ERBB4: variants seen among roughly 807,000 people sequenced by gnomAD.
ERBB4 encodes erb-b2 receptor tyrosine kinase 4.
In ERBB4, 42 loss-of-function variants were observed where a neutral mutation model predicts 158.0. That is an observed-to-expected ratio of 0.27 (90% CI 0.21 to 0.34). The LOEUF is 0.34. Ranked by LOEUF, ERBB4 falls within the 10% of genes least tolerant of loss-of-function variation. ERBB4 has a pLI of 1.00. For missense variants in ERBB4, 1,333 were observed against 1,624.1 expected (o/e 0.82, Z 3.08); for synonymous variants, 583 against 558.7 (o/e 1.04, Z -0.61).
intron 8 of ERBB4, among the ~76,000 whole-genome samples, chr2:211,713,250 A>G (rs1446816287): frequency 6.6e-6 from 1 of 152,136 alleles, no homozygotes; most frequent in Non-Finnish European, 1.5e-5. Flanking sequence ...CAAAGCTTTT[A>G]AGATTTGCTA....
intron 2 of ERBB4, among the ~76,000 whole-genome samples, chr2:212,052,535 G>T (rs912122295): frequency 1.3e-5 from 2 of 152,160 alleles, no homozygotes; most frequent in African/African-American, 4.8e-5. Flanking sequence ...TAGAAGTAAT[G>T]ACTAACCAAA....
intron 20 of ERBB4, among the ~76,000 whole-genome samples, chr2:211,457,168 T>C (rs947293784): frequency 1.3e-5 from 2 of 152,140 alleles, no homozygotes; most frequent in African/African-American, 4.8e-5. Flanking sequence ...CACTATACCA[T>C]GTGAAAAGAA....
intron 25 of ERBB4, among the ~76,000 whole-genome samples, chr2:211,415,837 GTTTA>G (rs1261885801): frequency 9.9e-5 from 15 of 152,100 alleles, no homozygotes; most frequent in African/African-American, 3.6e-4. Flanking sequence ...TTATTTTTCA[GTTTA>G]TTTATATATC....
chr2:212,203,933 A>C (rs2082660767), intron 1 of ERBB4, among the ~76,000 whole-genome samples: 2 of 152,224 alleles, frequency 1.3e-5, no homozygotes, highest in African/African-American at 2.4e-5. Flanking sequence ...AAGTCACTTG[A>C]CTGAAAAGTT....
At position 211,376,963 on chromosome 2, in the gene ERBB4, A is replaced by G. The variant is rs2125292158; in HGVS notation, c.*6652T>C. On this transcript the variant is annotated 3_prime_UTR_variant, in exon 28 of 28. Transcript: ENST00000342788. Reference sequence around the variant, plus strand: ...GCTCCGTTTAATAATCGACCCATTTAACAGCAGTACCAGTTTATGCTACAT... The same window carrying G: ...GCTCCGTTTAATAATCGACCCATTTGACAGCAGTACCAGTTTATGCTACAT... The G allele has an allele frequency of 4.3e-6, 1 of 233,328 alleles. No individual in the cohort carries two copies. The highest frequency in any genetic ancestry group is 8.5e-6 in the Non-Finnish European group (1 of 117,720). 14.5% of individuals were successfully genotyped at this position (233,328 alleles called of 1,614,324 possible).
At chr2:211,500,132 G>T (rs1321724763) in intron 20 of ERBB4, among the ~76,000 whole-genome samples, 2 of 152,052 alleles carry the variant, frequency 1.3e-5, no homozygotes, top group African/African-American at 4.8e-5. Context: ...TCTGTATCTG[G>T]TCATGGTACA....
intron 1 of ERBB4, among the ~76,000 whole-genome samples, chr2:212,408,380 A>G (rs1188681612): frequency 6.6e-6 from 1 of 152,088 alleles, no homozygotes; most frequent in East Asian, 1.9e-4. Context: ...CCTGAGGATA[A>G]TGGCTATTAT....
intron 5 of ERBB4, among the ~76,000 whole-genome samples, chr2:211,741,822 A>C (rs896665045): frequency 6.6e-6 from 1 of 152,224 alleles, no homozygotes; most frequent in Non-Finnish European, 1.5e-5. Context: ...TGTTCTTTTA[A>C]ATCTTTGAGA....
intron 1 of ERBB4, among the ~76,000 whole-genome samples, chr2:212,495,761 A>C (rs1560480186): frequency 6.6e-6 from 1 of 152,182 alleles, no homozygotes; most frequent in Admixed American, 6.6e-5. Context: ...TACATAGACG[A>C]ATGTCATACA....
intron 1 of ERBB4, among the ~76,000 whole-genome samples, chr2:212,343,928 G>A (rs936645492): frequency 3.3e-5 from 5 of 151,864 alleles, no homozygotes; most frequent in Non-Finnish European, 5.9e-5. Context: ...AATATATAAG[G>A]ACTAAGATGA....
intron 1 of ERBB4, among the ~76,000 whole-genome samples, chr2:212,194,184 C>A (rs888821869): frequency 6.6e-6 from 1 of 151,280 alleles, no homozygotes; most frequent in Non-Finnish European, 1.5e-5. Flanking sequence ...ATCTGCAAGA[C>A]GGACAGAATA....
At chr2:211,455,523 CTT>C (rs1042403450) in intron 20 of ERBB4, among the ~76,000 whole-genome samples, 5 of 152,144 alleles carry the variant, frequency 3.3e-5, no homozygotes, top group Admixed American at 6.6e-5. Context: ...AAGGGAAAAG[CTT>C]CAAATGTCTA....
chr2:212,270,588 A>C (rs1440244027), intron 1 of ERBB4, among the ~76,000 whole-genome samples: 1 of 151,808 alleles, frequency 6.6e-6, no homozygotes, highest in African/African-American at 2.4e-5. Context: ...GAATTGCCAG[A>C]AACGACACTA....
intron 19 of ERBB4, among the ~76,000 whole-genome samples, chr2:211,586,903 G>A (rs1269007983): frequency 6.6e-6 from 1 of 152,058 alleles, no homozygotes; most frequent in African/African-American, 2.4e-5. Context: ...ATTAAATGAT[G>A]TCTCCCAAGA....
intron 1 of ERBB4, among the ~76,000 whole-genome samples, chr2:212,356,058 A>T (rs2089452173): frequency 6.6e-6 from 1 of 152,074 alleles, no homozygotes; most frequent in Non-Finnish European, 1.5e-5. Context: ...CAGAGGGTAT[A>T]AAACAGTTAT....
At chr2:212,444,807 G>A (rs938124100) in intron 1 of ERBB4, among the ~76,000 whole-genome samples, 4 of 152,068 alleles carry the variant, frequency 2.6e-5, no homozygotes, top group African/African-American at 7.2e-5. Context: ...CCTCTGTAAG[G>A]CACCATTCCT....
chr2:211,966,998 T>C (rs2081326835), intron 2 of ERBB4, among the ~76,000 whole-genome samples: 1 of 152,172 alleles, frequency 6.6e-6, no homozygotes, highest in Admixed American at 6.5e-5. Context: ...ATATATAATG[T>C]GGTAATTATT....
At chr2:212,441,347 C>T (rs1159734269) in intron 1 of ERBB4, among the ~76,000 whole-genome samples, 1 of 152,130 alleles carries the variant, frequency 6.6e-6, no homozygotes, top group Non-Finnish European at 1.5e-5. Flanking sequence ...CTGCGGGAGG[C>T]AATGGTGATA....
chr2:211,844,311 C>T (rs1431310791), intron 3 of ERBB4, among the ~76,000 whole-genome samples: 1 of 152,166 alleles, frequency 6.6e-6, no homozygotes, highest in Non-Finnish European at 1.5e-5. Flanking sequence ...AACACCTTCA[C>T]ATTTTATTTG....
Sources: gnomAD v4.1 joint callset for allele counts (sites outside exome capture counted in the v4.1 genomes callset) on GRCh38, gnomAD v4.1.1 for gene constraint, MANE v1.5 for transcripts, NCBI Gene and HGNC (gene_info 2026-07-23, HGNC 2026-07-21) for gene names.